SLC22A14: variants seen among roughly 807,000 people sequenced by gnomAD.
SLC22A14 encodes the protein solute carrier family 22 member 14, also known as organic cation transporter-like 4.
In SLC22A14, 50 loss-of-function variants were observed where a neutral mutation model predicts 53.9. The ratio of observed to expected loss-of-function variants is 0.93; its 90% CI spans 0.74 to 1.17. The LOEUF (loss-of-function observed/expected upper bound fraction) is 1.17, where lower values mean the gene tolerates loss of function less well. SLC22A14 is among the 50% of genes most tolerant of loss of function. The pLI is 0.00. For synonymous variants in SLC22A14, 312 were observed against 303.0 expected (o/e 1.03, Z -0.31); for missense variants, 671 against 734.7 (o/e 0.91, Z 1.00).
intron 1 of SLC22A14, among the ~76,000 whole-genome samples, chr3:38,286,935 C>T (rs1203240211): frequency 6.6e-6 from 1 of 151,912 alleles, no homozygotes; most frequent in Non-Finnish European, 1.5e-5. Context: ...CCGGGTTTCA[C>T]CACATTGGCC....
At chr3:38,312,927 G>T in intron 5 of SLC22A14, 72 bp from the exon 6 acceptor site, 1 of 1,548,780 alleles carries the variant, frequency 6.5e-7, no homozygotes, top group Non-Finnish European at 8.7e-7. Context: ...CACAGCTGAG[G>T]CCACGAGAGG....
chr3:38,313,689 C>CGCGCGT (rs758558841), intron 7 of SLC22A14, 38 bp from the exon 8 acceptor site: 3 of 809,144 alleles, frequency 3.7e-6, no homozygotes, highest in Non-Finnish European at 5.3e-6. Context: ...TGTGTGTGCG[C>CGCGCGT]GCGTGTGCAC....
intron 1 of SLC22A14, among the ~76,000 whole-genome samples, chr3:38,286,099 G>A (rs190801219): frequency 1.9e-4 from 29 of 152,188 alleles, no homozygotes; most frequent in African/African-American, 5.5e-4. Flanking sequence ...AAAATTAGCC[G>A]GGTGTGGTGG....
chr3:38,313,941 G>C lies in SLC22A14; in HGVS notation c.1378G>C (p.Gly460Arg). The change falls in exon 8 of 11, where the codon GGG becomes CGG. Residue 460 changes from glycine to arginine, a missense_variant and splice_region_variant. Coordinates refer to ENST00000448498, the MANE Select transcript of SLC22A14 (RefSeq NM_001320033.2). ...WCLLLLFLPE[G>R]EDGLRLKWPR... ...CTTGCTTCTCCTTTTCCTCCCTGAA[G>C]GTACAGCTCATCCTTCCCCTGTGGC... 6.2e-7 allele frequency: 1 copy of C among 1,612,890 alleles called. No homozygotes were observed. Among genetic ancestry groups the C allele is most frequent in the Non-Finnish European group, 8.5e-7 (1 of 1,179,432 alleles).
chr3:38,286,296 A>G (rs1703790144), intron 1 of SLC22A14, among the ~76,000 whole-genome samples: 1 of 152,164 alleles, frequency 6.6e-6, no homozygotes, highest in South Asian at 2.1e-4. Flanking sequence ...ATATCCTACC[A>G]TGGTCTTGAT....
chr3:38,306,385 T>G lies in SLC22A14; in HGVS notation c.359T>G (p.Ile120Arg). ...LSKAEQLNLT[I>R]PQAPNGSFLT... is the part of the protein sequence containing the mutation. ...AAAGCTGAGCAGCTGAATCTGACCATACCCCAAGCACCCAATGGCAGTTTC... is the reference window on the plus strand; with the variant it reads ...AAAGCTGAGCAGCTGAATCTGACCAGACCCCAAGCACCCAATGGCAGTTTC... Residue 120 changes from isoleucine to arginine, a missense_variant, in exon 2 of 11, where the codon ATA becomes AGA. Transcript: ENST00000448498. 6.2e-7 allele frequency: 1 copy of G among 1,614,202 alleles called. No homozygotes were observed. The highest frequency in any genetic ancestry group is 8.5e-7 in the Non-Finnish European group (1 of 1,180,038).
chr3:38,308,918 C>T (rs763072526), intron 4 of SLC22A14, 36 bp from the exon 5 acceptor site: 23 of 1,602,086 alleles, frequency 1.4e-5, no homozygotes, highest in South Asian at 4.5e-5. Flanking sequence ...GGGACCCTGA[C>T]GTAACCATGG....
chr3:38,279,202 G>A (rs192804629), upstream of SLC22A14, among the ~76,000 whole-genome samples: 55 of 152,302 alleles, frequency 3.6e-4, 2 homozygotes, highest in East Asian at 9.4e-3. Flanking sequence ...CTAGACAAAA[G>A]CTCTATTTAG....
Position 38,315,637 on chromosome 3 carries a change from C to T in SLC22A14, c.1458C>T (p.Leu486=), listed in dbSNP as rs202209612. ...CCATGACGATCTTGGTGCTCATGCT[C>T]AGAGAGTTCAGCCTGGCCGCCACTG... is the stretch of plus-strand genomic sequence containing the variant. ...LKSMTILVLM[L]REFSLAATVT... The change falls in exon 9 of 11, where the codon CTC becomes CTT. Residue 486 remains leucine, a synonymous_variant. Transcript: ENST00000448498. The T allele has an allele frequency of 3.1e-6, 5 of 1,614,152 alleles. No homozygotes were observed. Among genetic ancestry groups the T allele is most frequent in the Non-Finnish European group, 3.4e-6 (4 of 1,180,018 alleles).
intron 9 of SLC22A14, 131 bp from the exon 10 acceptor site, chr3:38,316,193 C>G (rs1704612450): frequency 1.3e-6 from 1 of 775,666 alleles, no homozygotes; most frequent in Non-Finnish European, 2.1e-6. Flanking sequence ...AAATTATTGC[C>G]TACTTGGAAT....
At chr3:38,313,577 A>G in intron 7 of SLC22A14, 92 bp downstream of exon 7, 1 of 1,015,920 alleles carries the variant, frequency 9.8e-7, no homozygotes, top group Non-Finnish European at 1.5e-6. Context: ...GCTGCAGGGG[A>G]GGCAGCCCAA....
At chr3:38,311,020 C>T (rs1361708655) in intron 5 of SLC22A14, among the ~76,000 whole-genome samples, 1 of 152,202 alleles carries the variant, frequency 6.6e-6, no homozygotes, top group Non-Finnish European at 1.5e-5. Flanking sequence ...TCTGAATTAG[C>T]AAGTTCCAGC....
chr3:38,291,070 A>G (rs1278116079), intron 1 of SLC22A14, among the ~76,000 whole-genome samples: 1 of 152,158 alleles, frequency 6.6e-6, no homozygotes, highest in Non-Finnish European at 1.5e-5. Flanking sequence ...TAGAGTGTGT[A>G]TATATATTTA....
Position 38,315,655 on chromosome 3 carries a change from C to T in SLC22A14, c.1476C>T (p.Ala492=), listed in dbSNP as rs764775912. 17 of 1,613,970 alleles carry T rather than the reference C, an allele frequency of 1.1e-5. No homozygotes were observed. Among genetic ancestry groups the T allele is most frequent in the South Asian group, 4.4e-5 (4 of 91,078 alleles). ...TCATGCTCAGAGAGTTCAGCCTGGC[C>T]GCCACTGTCACTGTGTTCTTCCTCT... is the stretch of plus-strand genomic sequence containing the variant. ...LVLMLREFSL[A]ATVTVFFLYT... is the part of the protein sequence containing the mutation. Residue 492 remains alanine (A), a synonymous_variant, in exon 9 of 11, where the codon GCC becomes GCT. Coordinates refer to ENST00000448498, the MANE Select transcript of SLC22A14 (RefSeq NM_001320033.2).
Position 38,287,723 on chromosome 3 carries a change from C to A in SLC22A14, c.-1+5384C>A, listed in dbSNP as rs192484287. Among the ~76,000 whole-genome samples the A allele has an allele frequency of 1.1e-4, 16 of 152,188 alleles. No individual in the cohort carries two copies. In the East Asian group the frequency reaches 2.5e-3, roughly 24 times the overall value. The stretch of plus-strand genomic sequence containing the variant: ...TGTCCTTCAATATACATTTTAGAAT[C>A]TTCTTGCCAAAAATAATTTTATAAA... On this transcript the variant is annotated intron_variant, in intron 1 of 10. Coordinates refer to ENST00000448498, the MANE Select transcript of SLC22A14 (RefSeq NM_001320033.2).
intron 5 of SLC22A14, among the ~76,000 whole-genome samples, chr3:38,311,680 A>G (rs756144065): frequency 3.3e-5 from 5 of 152,246 alleles, no homozygotes; most frequent in African/African-American, 9.6e-5. Flanking sequence ...ACACTAAGGC[A>G]TGAATACAGT....
chr3:38,282,556 C>T (rs931396635), intron 1 of SLC22A14, among the ~76,000 whole-genome samples: 3 of 152,156 alleles, frequency 2.0e-5, no homozygotes, highest in African/African-American at 7.2e-5. Context: ...GGCGTCTGGC[C>T]ATCTCCTGCG....
intron 10 of SLC22A14, among the ~76,000 whole-genome samples, chr3:38,317,764 G>T (rs555009441): frequency 9.9e-5 from 15 of 152,236 alleles, no homozygotes; most frequent in African/African-American, 3.6e-4. Flanking sequence ...GCCTTATCTC[G>T]CTCTATCCTC....
intron 7 of SLC22A14, 36 bp from the exon 8 acceptor site, chr3:38,313,681 TGTGTGCGCGC>T (rs779243398): frequency 1.3e-5 from 10 of 751,250 alleles, no homozygotes; most frequent in African/African-American, 1.1e-4. Context: ...TGGCTCCGTG[TGTGTGCGCGC>T]GTGTGCACGC....
Sources: gnomAD v4.1 joint callset for allele counts (sites outside exome capture counted in the v4.1 genomes callset) on GRCh38, gnomAD v4.1.1 for gene constraint, MANE v1.5 for transcripts, NCBI Gene and HGNC (gene_info 2026-07-23, HGNC 2026-07-21) for gene names.